Variants in TMCO4 observed in about 807,000 individuals in gnomAD.
TMCO4 encodes the protein transmembrane and coiled-coil domain-containing protein 4.
Under a neutral mutation model 64.7 loss-of-function variants are expected in TMCO4, and 58 were observed. The ratio of observed to expected loss-of-function variants is 0.90; its 90% CI spans 0.73 to 1.12. The LOEUF is 1.12. Among genes scored for constraint, TMCO4 ranks in the 50% most tolerant of loss-of-function variants. The pLI, the probability that TMCO4 is intolerant of heterozygous loss-of-function variation, is 0.00. For missense variants in TMCO4, 780 were observed against 825.9 expected (o/e 0.94, Z 0.68); for synonymous variants, 325 against 346.1 (o/e 0.94, Z 0.68).
chr1:19,754,236 A>G (rs1443623211), intron 7 of TMCO4, among the ~76,000 whole-genome samples: 2 of 152,216 alleles, frequency 1.3e-5, no homozygotes, highest in African/African-American at 4.8e-5. Flanking sequence ...CTCTCTGATA[A>G]TAAGATTTCC....
At chr1:19,779,590 C>T (rs1431417842) in intron 4 of TMCO4, among the ~76,000 whole-genome samples, 2 of 152,180 alleles carry the variant, frequency 1.3e-5, no homozygotes, top group Admixed American at 6.5e-5. Flanking sequence ...TTTGCTCCCA[C>T]GACCCCGTTT....
intron 4 of TMCO4, among the ~76,000 whole-genome samples, chr1:19,773,858 G>A (rs1041052424): frequency 6.6e-6 from 1 of 152,202 alleles, no homozygotes; most frequent in Non-Finnish European, 1.5e-5. Context: ...GTGGCAGAGG[G>A]AGGCAGTGGA....
chr1:19,710,325 TGG>T (rs2095325068), intron 13 of TMCO4, among the ~76,000 whole-genome samples: 1 of 149,936 alleles, frequency 6.7e-6, no homozygotes. Context: ...GTTGCCCAGG[TGG>T]GTATCGAACT....
intron 7 of TMCO4, among the ~76,000 whole-genome samples, chr1:19,755,370 C>T (rs2042200726): frequency 6.6e-6 from 1 of 152,214 alleles, no homozygotes; most frequent in African/African-American, 2.4e-5. Flanking sequence ...AAGTGATCCG[C>T]CTGCAGGGTG....
At chr1:19,714,388 AT>A (rs1386396609) in intron 13 of TMCO4, among the ~76,000 whole-genome samples, 1 of 151,802 alleles carries the variant, frequency 6.6e-6, no homozygotes, top group African/African-American at 2.4e-5. Context: ...CCTTCCACTT[AT>A]TTTCAAAGTT....
chr1:19,780,690 C>T lies in TMCO4; in HGVS notation c.69G>A (p.Glu23=). Reference sequence around the variant, plus strand: ...GGCCCGTGGGCAGGTGTGGCTCCCCCTCTGCAGTGGGCTCAGCTACCAGAG... The same window carrying T: ...GGCCCGTGGGCAGGTGTGGCTCCCCTTCTGCAGTGGGCTCAGCTACCAGAG... The part of the protein sequence containing the change: ...QQPLVAEPTA[E]GEPHLPTGRE... Residue 23 remains glutamate (E), a synonymous_variant, in exon 4 of 16, where the codon GAG becomes GAA. Transcript: ENST00000294543. 6.2e-7 allele frequency: 1 copy of T among 1,613,886 alleles called. No individual in the cohort carries two copies. The highest frequency in any genetic ancestry group is 1.1e-5 in the South Asian group (1 of 91,052).
chr1:19,789,538 GTTCT>G (rs1243537182), intron 2 of TMCO4, among the ~76,000 whole-genome samples: 2 of 152,152 alleles, frequency 1.3e-5, no homozygotes, highest in East Asian at 1.9e-4. Context: ...ATTGGTTTCT[GTTCT>G]TTCTATTTTT....
At position 19,712,534 on chromosome 1, in the gene TMCO4, C is replaced by A. The variant is rs937779187; in HGVS notation, c.1265-11649G>T. ...ACTCGGGAGGCTGAGGCAGGAGAAT[C>A]GCTTGAACCTGAGATGCAGAGGTTG... On this transcript the variant is annotated intron_variant, in intron 13 of 15. Coordinates refer to ENST00000294543, the MANE Select transcript of TMCO4 (RefSeq NM_181719.7). Among the ~76,000 whole-genome samples, 4 of 151,406 alleles carry A rather than the reference C, an allele frequency of 2.6e-5. No homozygotes were observed. In the South Asian group the frequency reaches 8.4e-4, roughly 32 times the overall value.
At chr1:19,731,403 G>A (rs984837150) in intron 13 of TMCO4, among the ~76,000 whole-genome samples, 2 of 152,174 alleles carry the variant, frequency 1.3e-5, no homozygotes, top group South Asian at 2.1e-4. Context: ...TGCCTATAAC[G>A]TAATCCTCCT....
At chr1:19,730,444 A>G (rs1296010448) in intron 13 of TMCO4, among the ~76,000 whole-genome samples, 2 of 152,246 alleles carry the variant, frequency 1.3e-5, no homozygotes, top group East Asian at 1.9e-4. Flanking sequence ...GTGAATGCTG[A>G]TAACATTCAA....
chr1:19,797,634 G>A (rs2044372781), intron 2 of TMCO4, among the ~76,000 whole-genome samples: 1 of 152,094 alleles, frequency 6.6e-6, no homozygotes, highest in Non-Finnish European at 1.5e-5. Flanking sequence ...ACTTTGGGAG[G>A]CTGAGGCGGG....
chr1:19,770,736 T>C (rs2042943899), intron 5 of TMCO4, among the ~76,000 whole-genome samples, 167 bp from the exon 6 acceptor site: 1 of 152,128 alleles, frequency 6.6e-6, no homozygotes, highest in African/African-American at 2.4e-5. Context: ...AAGAAAGAAA[T>C]ACATGAGGAC....
At chr1:19,693,865 G>A (rs534522100) in intron 15 of TMCO4, among the ~76,000 whole-genome samples, 91 of 152,306 alleles carry the variant, frequency 6.0e-4, no homozygotes, top group Non-Finnish European at 1.0e-3. Context: ...TGACTAGTGA[G>A]CTGAGATGGG....
intron 14 of TMCO4, among the ~76,000 whole-genome samples, 156 bp downstream of exon 14, chr1:19,700,612 T>G (rs995879746): frequency 1.1e-4 from 16 of 152,240 alleles, no homozygotes; most frequent in Non-Finnish European, 1.9e-4. Context: ...TCACCAGGCC[T>G]GGGCCTGCTC....
intron 10 of TMCO4, 194 bp downstream of exon 10, chr1:19,745,338 A>T: frequency 1.2e-6 from 1 of 819,670 alleles, no homozygotes; most frequent in Non-Finnish European, 1.9e-6. Flanking sequence ...GTAGGTGGAT[A>T]GATGGATGGC....
intron 13 of TMCO4, among the ~76,000 whole-genome samples, chr1:19,721,442 C>T (rs926810520): frequency 6.6e-5 from 10 of 152,058 alleles, no homozygotes; most frequent in Admixed American, 2.0e-4. Context: ...AACACTGTCT[C>T]CTGTGAGTTT....
At chr1:19,796,944 C>T (rs1293300463) in intron 2 of TMCO4, among the ~76,000 whole-genome samples, 1 of 152,212 alleles carries the variant, frequency 6.6e-6, no homozygotes, top group African/African-American at 2.4e-5. Context: ...CTATCTCCCT[C>T]ACTAGAGGAA....
intron 10 of TMCO4, 49 bp downstream of exon 10, chr1:19,745,483 A>G: frequency 1.2e-6 from 2 of 1,612,750 alleles, no homozygotes; most frequent in Non-Finnish European, 1.7e-6. Context: ...GGTCTGGCCC[A>G]GGCCACCACT....
At chr1:19,717,008 G>GA (rs983951853) in intron 13 of TMCO4, among the ~76,000 whole-genome samples, 2 of 152,120 alleles carry the variant, frequency 1.3e-5, no homozygotes, top group African/African-American at 4.8e-5. Context: ...CCAACATGGT[G>GA]AAACCCCATC....
Sources: gnomAD v4.1 joint callset for allele counts (sites outside exome capture counted in the v4.1 genomes callset) on GRCh38, gnomAD v4.1.1 for gene constraint, MANE v1.5 for transcripts, NCBI Gene and HGNC (gene_info 2026-07-23, HGNC 2026-07-21) for gene names.